CLSTN1: variants seen among roughly 807,000 people sequenced by gnomAD.
CLSTN1 encodes calsyntenin-1.
CLSTN1 carries 28 observed loss-of-function variants against 108.3 expected under a neutral mutation model. That is an observed-to-expected ratio of 0.26 (90% CI 0.19 to 0.35). The LOEUF (loss-of-function observed/expected upper bound fraction) is 0.35. Among genes scored for constraint, CLSTN1 ranks in the 10% least tolerant of loss-of-function variants. CLSTN1 has a pLI of 1.00. For missense variants in CLSTN1, 1,157 were observed against 1,302.6 expected (o/e 0.89, Z 1.72); for synonymous variants, 524 against 534.9 (o/e 0.98, Z 0.28).
At chr1:9,809,463 C>T (rs1163074088) in intron 1 of CLSTN1, among the ~76,000 whole-genome samples, 1 of 152,148 alleles carries the variant, frequency 6.6e-6, no homozygotes, top group Middle Eastern at 3.2e-3. Context: ...CTCCTCGGTA[C>T]TCATGCTTGC....
chr1:9,746,693 G>A (rs554275963), intron 7 of CLSTN1, among the ~76,000 whole-genome samples: 102 of 151,680 alleles, frequency 6.7e-4, no homozygotes, highest in African/African-American at 2.3e-3. Flanking sequence ...CAGCCTGGGC[G>A]ACAGTGAGAC....
intron 15 of CLSTN1, 93 bp from the exon 16 acceptor site, chr1:9,733,639 C>A: frequency 2.7e-6 from 4 of 1,496,290 alleles, no homozygotes; most frequent in Non-Finnish European, 2.8e-6. Context: ...CTCAATTAGA[C>A]ACCCAGGTTA....
chr1:9,821,225 T>G (rs965708056), intron 1 of CLSTN1, among the ~76,000 whole-genome samples: 2 of 152,168 alleles, frequency 1.3e-5, no homozygotes, highest in African/African-American at 4.8e-5. Context: ...CTCCGCCTCC[T>G]GGGTTCAAGC....
At chr1:9,761,000 C>T (rs1257978971) in intron 2 of CLSTN1, among the ~76,000 whole-genome samples, 1 of 151,972 alleles carries the variant, frequency 6.6e-6, no homozygotes, top group African/African-American at 2.4e-5. Flanking sequence ...CCTGCTCCCT[C>T]CCACTCAATT....
At chr1:9,794,608 C>T (rs1004470791) in intron 1 of CLSTN1, among the ~76,000 whole-genome samples, 2 of 151,418 alleles carry the variant, frequency 1.3e-5, no homozygotes, top group African/African-American at 4.8e-5. Context: ...CACGTCTGGC[C>T]TTCAATTAAC....
At chr1:9,745,221 T>C (rs1570445060) in intron 7 of CLSTN1, among the ~76,000 whole-genome samples, 2 of 113,458 alleles carry the variant, frequency 1.8e-5, no homozygotes, top group South Asian at 2.8e-4. Context: ...AGAGCGAGAC[T>C]CCGTCTCAAA....
At chr1:9,801,890 A>G (rs532350145) in intron 1 of CLSTN1, among the ~76,000 whole-genome samples, 28 of 152,152 alleles carry the variant, frequency 1.8e-4, no homozygotes, top group Non-Finnish European at 4.1e-4. Context: ...CCAGACAAAG[A>G]TGTTACAAGA....
chr1:9,765,164 C>T (rs576356476), intron 2 of CLSTN1, among the ~76,000 whole-genome samples: 1 of 151,816 alleles, frequency 6.6e-6, no homozygotes. Flanking sequence ...GCAGGCAGAT[C>T]AACTGAGGTC....
At chr1:9,773,104 C>G (rs961235646) in intron 2 of CLSTN1, among the ~76,000 whole-genome samples, 168 bp downstream of exon 2, 7 of 152,098 alleles carry the variant, frequency 4.6e-5, no homozygotes, top group Non-Finnish European at 1.0e-4. Flanking sequence ...TTTTTGTCAG[C>G]TACCCCAACT....
chr1:9,754,169 C>A (rs541311181), intron 4 of CLSTN1, among the ~76,000 whole-genome samples: 8 of 152,184 alleles, frequency 5.3e-5, no homozygotes, highest in African/African-American at 1.9e-4. Flanking sequence ...AACAAAATAA[C>A]CTTCCTAAGG....
intron 10 of CLSTN1, among the ~76,000 whole-genome samples, chr1:9,738,621 C>T (rs1650812613): frequency 2.0e-5 from 3 of 152,302 alleles, no homozygotes; most frequent in East Asian, 1.9e-4. Flanking sequence ...GATCCTCTCT[C>T]CTGTTAACTG....
At chr1:9,788,867 C>CAAAA (rs56093052) in intron 1 of CLSTN1, among the ~76,000 whole-genome samples, 6 of 76,262 alleles carry the variant, frequency 7.9e-5, no homozygotes, top group Admixed American at 1.7e-4. Flanking sequence ...GACTCCGTCT[C>CAAAA]AAAAAAAAAA....
intron 1 of CLSTN1, among the ~76,000 whole-genome samples, chr1:9,780,510 C>A (rs1451106639): frequency 2.6e-5 from 4 of 152,118 alleles, no homozygotes; most frequent in African/African-American, 4.8e-5. Context: ...TAACTATGTT[C>A]CCAGTATTCC....
In CLSTN1 at chr1:9,730,585, C is replaced by CCT; in HGVS notation, c.2867_2868dup (p.Glu957ArgfsTer61). ...TTCTGGGGGTCGCCCTGCTCCCCCT[C>CCT]CTCCTCCTCGCTGCTCTCCGACTCG... On this transcript the variant is annotated frameshift_variant, in exon 19 of 19. Coordinates refer to ENST00000377298, the MANE Select transcript of CLSTN1 (RefSeq NM_001009566.3). LOFTEE classifies it high-confidence loss of function. This position sits in a 1 kb window ranked among gnomAD's most constrained non-coding sequence, Gnocchi z 5.6. The CCT allele has an allele frequency of 6.2e-7, 1 of 1,609,782 alleles. No homozygotes were observed. Among genetic ancestry groups the CCT allele is most frequent in the Non-Finnish European group, 8.5e-7 (1 of 1,179,864 alleles).
At chr1:9,806,367 C>A (rs1325322571) in intron 1 of CLSTN1, among the ~76,000 whole-genome samples, 1 of 152,116 alleles carries the variant, frequency 6.6e-6, no homozygotes, top group East Asian at 1.9e-4. Flanking sequence ...TTTTTGAGCA[C>A]AGGGGTCCTG....
At chr1:9,767,469 C>T (rs1314546112) in intron 2 of CLSTN1, among the ~76,000 whole-genome samples, 1 of 151,134 alleles carries the variant, frequency 6.6e-6, no homozygotes, top group African/African-American at 2.4e-5. Flanking sequence ...TGCTTGAACC[C>T]AGGAGGCGGA....
At position 9,730,872 on chromosome 1, in the gene CLSTN1, A is replaced by G. The variant is rs1021487589; in HGVS notation, c.2749-167T>C. Among the ~76,000 whole-genome samples the G allele has an allele frequency of 3.3e-5, 5 of 152,160 alleles. No individual in the cohort carries two copies. Among genetic ancestry groups the G allele is most frequent in the African/African-American group, 4.8e-5 (2 of 41,436 alleles). ...CGGAAGTTATATTAGAAGTGAAGGG[A>G]AAACAAAGCTCCAGTCAGCACCCAC... On this transcript the variant is annotated intron_variant, in intron 18 of 18. Transcript: ENST00000377298. The surrounding 1 kb of genome is among the most constrained non-coding windows in gnomAD (Gnocchi z 5.6).
intron 1 of CLSTN1, among the ~76,000 whole-genome samples, chr1:9,809,952 T>TAG (rs1448140981): frequency 2.1e-5 from 3 of 143,830 alleles, no homozygotes; most frequent in Non-Finnish European, 4.5e-5. Flanking sequence ...GGCAGGAGAA[T>TAG]AGCTTGAACC....
At chr1:9,784,968 CT>C (rs1653412287) in intron 1 of CLSTN1, among the ~76,000 whole-genome samples, 1 of 150,426 alleles carries the variant, frequency 6.6e-6, no homozygotes, top group South Asian at 2.1e-4. Context: ...ATCTCTGGGT[CT>C]CTAAGTATTG....
Sources: gnomAD v4.1 joint callset for allele counts (sites outside exome capture counted in the v4.1 genomes callset) on GRCh38, gnomAD v4.1.1 for gene constraint, Gnocchi (gnomAD v3.1) non-coding constraint, MANE v1.5 for transcripts, NCBI Gene and HGNC (gene_info 2026-07-23, HGNC 2026-07-21) for gene names.